Variants in KIF14 observed in about 807,000 individuals in gnomAD.
The protein encoded by KIF14 is kinesin family member 14.
KIF14 carries 98 observed loss-of-function variants against 176.2 expected under a neutral mutation model. The observed-to-expected ratio is 0.56, with a 90% CI of 0.47 to 0.66. The LOEUF is 0.66. KIF14 is among the 30% of genes least tolerant of loss of function. The pLI, the probability that KIF14 is intolerant of heterozygous loss-of-function variation, is 0.00. For missense variants in KIF14, 1,751 were observed against 1,920.4 expected (o/e 0.91, Z 1.65); for synonymous variants, 566 against 632.2 (o/e 0.90, Z 1.57).
At chr1:200,582,547 G>A (rs1286317964) in intron 19 of KIF14, among the ~76,000 whole-genome samples, 1 of 152,146 alleles carries the variant, frequency 6.6e-6, no homozygotes, top group Non-Finnish European at 1.5e-5. Flanking sequence ...TTGCCTCCTG[G>A]CAATAGATAC....
At chr1:200,576,568 A>C (rs1219440686) in intron 21 of KIF14, among the ~76,000 whole-genome samples, 1 of 152,126 alleles carries the variant, frequency 6.6e-6, no homozygotes, top group African/African-American at 2.4e-5. Context: ...AAGAATAATC[A>C]AATGACCTCC....
At chr1:200,613,178 G>A (rs184471008) in intron 4 of KIF14, among the ~76,000 whole-genome samples, 41 of 152,094 alleles carry the variant, frequency 2.7e-4, no homozygotes, top group Middle Eastern at 3.4e-3. Flanking sequence ...ATGAGCCACC[G>A]CACCCAGCCT....
In KIF14 at chr1:200,617,763, A is replaced by C; in HGVS notation, c.961T>G (p.Phe321Val). ...GATCTTTCCTGTTTATTTGCAAGAAAGGAACTTTTTGGTCTTTGTTTAACT... is the reference window on the plus strand; with the variant it reads ...GATCTTTCCTGTTTATTTGCAAGAACGGAACTTTTTGGTCTTTGTTTAACT... The part of the protein sequence containing the change: ...LQVKQRPKSS[F>V]LANKQERSAE... The change falls in exon 2 of 30, where the codon TTT (phenylalanine) becomes GTT (valine). Residue 321 changes from phenylalanine (F) to valine (V), a missense_variant. Transcript: ENST00000367350. 1.9e-6 allele frequency: 3 copies of C among 1,614,182 alleles called. No individual in the cohort carries two copies. Among genetic ancestry groups the C allele is most frequent in the Non-Finnish European group, 2.5e-6 (3 of 1,180,032 alleles).
intron 21 of KIF14, 51 bp downstream of exon 21, chr1:200,580,203 T>TA (rs1440912827): frequency 2.0e-6 from 2 of 1,001,970 alleles, no homozygotes; most frequent in Non-Finnish European, 2.7e-6. Flanking sequence ...CTTGAACTTT[T>TA]ATACTTTTTT....
In KIF14 at chr1:200,553,651, T is replaced by C; in HGVS notation, c.4684A>G (p.Arg1562Gly). 1 of 1,614,098 alleles carries C rather than the reference T, an allele frequency of 6.2e-7. No individual in the cohort carries two copies. Among genetic ancestry groups the C allele is most frequent in the Non-Finnish European group, 8.5e-7 (1 of 1,179,998 alleles). Residue 1562 changes from arginine (R) to glycine (G), a missense_variant, in exon 30 of 30, where the codon AGA (arginine) becomes GGA (glycine). By Grantham distance (125) the Arg-to-Gly change is moderately radical. Coordinates refer to ENST00000367350, the MANE Select transcript of KIF14 (RefSeq NM_014875.3). Reference protein sequence around the residue: ...PSTSVGSYESRVTHIVHQELE... With the variant: ...PSTSVGSYESGVTHIVHQELE... ...TCCTGGTGGACAATGTGAGTTACTCTACTCTCATAGCTGCCAACAGAAGTA... is the reference window on the plus strand; with the variant it reads ...TCCTGGTGGACAATGTGAGTTACTCCACTCTCATAGCTGCCAACAGAAGTA...
intron 23 of KIF14, 64 bp downstream of exon 23, chr1:200,569,847 T>C (rs1440545396): frequency 2.4e-6 from 2 of 833,520 alleles, no homozygotes; most frequent in Non-Finnish European, 3.8e-6. Context: ...TAAGAAAAAA[T>C]GTAATGGTAG....
At position 200,618,101 on chromosome 1, in the gene KIF14, T is replaced by G; in HGVS notation, c.623A>C (p.Glu208Ala). 2 of 1,614,200 alleles carry G rather than the reference T, an allele frequency of 1.2e-6. No individual in the cohort carries two copies. Among genetic ancestry groups the G allele is most frequent in the East Asian group, 2.2e-5 (1 of 44,880 alleles). Residue 208 changes from glutamate (E) to alanine (A), a missense_variant, in exon 2 of 30, where the codon GAA becomes GCA. Physicochemically the swap from Glu to Ala is moderately radical, Grantham distance 107 (BLOSUM62 -1). Coordinates refer to ENST00000367350, the MANE Select transcript of KIF14 (RefSeq NM_014875.3). ...ETFSAPSRANENVALKYSSNR... is the reference protein window; with the variant it reads ...ETFSAPSRANANVALKYSSNR... Reference sequence around the variant, plus strand: ...ACTTGAGTACTTAAGTGCAACATTTTCATTTGCTCTACTGGGGGCAGAAAA... The same window carrying G: ...ACTTGAGTACTTAAGTGCAACATTTGCATTTGCTCTACTGGGGGCAGAAAA...
rs1329009660 is a variant in KIF14 at position 200,552,816 on chromosome 1, T to A, written c.*572A>T. ...GCATAGGCACAAAGGTAACTGATTGTTCAGGTTTCCACTCATGAGAAAATA... is the reference window on the plus strand; with the variant it reads ...GCATAGGCACAAAGGTAACTGATTGATCAGGTTTCCACTCATGAGAAAATA... On this transcript the variant is annotated 3_prime_UTR_variant, in exon 30 of 30. Transcript: ENST00000367350. 1 of 152,158 alleles carries A rather than the reference T, an allele frequency of 6.6e-6. No individual in the cohort carries two copies. Among genetic ancestry groups the A allele is most frequent in the Non-Finnish European group, 1.5e-5 (1 of 68,038 alleles). The allele number at this position is 152,158 out of a possible 1,614,324, so 9.4% of individuals were successfully genotyped here. A position where few individuals can be genotyped will look rare whatever the true frequency, so the allele number is the denominator to read the frequency against.
chr1:200,553,050 C>T lies in KIF14; in HGVS notation c.*338G>A, dbSNP rs139733981. ...CCTCTGCCTCTCAGGTTCAAGCGAT[C>T]CTCCTGCCTCAGCCCCCCTAGTAGC... On this transcript the variant is annotated 3_prime_UTR_variant, in exon 30 of 30. Coordinates refer to ENST00000367350, the MANE Select transcript of KIF14 (RefSeq NM_014875.3). The T allele has an allele frequency of 0.12, 18,240 of 156,128 alleles. 1,255 individuals are homozygous for T. The highest frequency in any genetic ancestry group is 0.13 in the Non-Finnish European group (9,468 of 70,930). 9.7% of individuals were successfully genotyped at this position (156,128 alleles called of 1,614,324 possible). A position where few individuals can be genotyped will look rare whatever the true frequency, so the allele number is the denominator to read the frequency against.
chr1:200,614,909 C>T (rs1660337435), intron 3 of KIF14, among the ~76,000 whole-genome samples: 3 of 151,776 alleles, frequency 2.0e-5, no homozygotes, highest in Non-Finnish European at 2.9e-5. Context: ...GATGCCCCTC[C>T]ACCCTTTTTT....
intron 19 of KIF14, among the ~76,000 whole-genome samples, chr1:200,584,222 A>AAG (rs1658619535): frequency 6.6e-6 from 1 of 150,402 alleles, no homozygotes; most frequent in Admixed American, 6.6e-5. Flanking sequence ...TTTCAAAAAA[A>AAG]AAAAAAAAAG....
intron 19 of KIF14, 58 bp from the exon 20 acceptor site, chr1:200,581,352 A>G: frequency 1.2e-6 from 1 of 856,374 alleles, no homozygotes. Context: ...AACATATACC[A>G]TTAGGCAAAA....
At chr1:200,610,802 G>A (rs1385664381) in intron 4 of KIF14, among the ~76,000 whole-genome samples, 1 of 152,082 alleles carries the variant, frequency 6.6e-6, no homozygotes, top group African/African-American at 2.4e-5. Flanking sequence ...ATCAGAAAAG[G>A]GAAAATTTAG....
chr1:200,588,243 GTTTTGT>G (rs1658858301), intron 18 of KIF14, among the ~76,000 whole-genome samples: 1 of 109,306 alleles, frequency 9.1e-6, no homozygotes, highest in African/African-American at 5.1e-5. Flanking sequence ...TTGTTTGTTT[GTTTTGT>G]TTTTTTTTTT....
intron 14 of KIF14, among the ~76,000 whole-genome samples, chr1:200,594,082 C>G (rs534302084): frequency 6.6e-6 from 1 of 151,914 alleles, no homozygotes; most frequent in Non-Finnish European, 1.5e-5. Flanking sequence ...AGGCACCCAC[C>G]ACCATGCCCT....
intron 20 of KIF14, 83 bp downstream of exon 20, chr1:200,581,103 GACTCTGTCTCAGAAA>G: frequency 1.9e-6 from 1 of 526,494 alleles, no homozygotes; most frequent in Non-Finnish European, 3.0e-6. Flanking sequence ...AACAGAGCAA[GACTCTGTCTCAGAAA>G]AAAAAAAAAA....
At position 200,617,631 on chromosome 1, in the gene KIF14, C is replaced by G. The variant is rs144699906; in HGVS notation, c.1093G>C (p.Val365Leu). The G allele has an allele frequency of 1.9e-5, 30 of 1,610,848 alleles. No homozygotes were observed. In the Admixed American group the frequency reaches 3.5e-4, roughly 19 times the overall value. ...ENSQVTVAVR[V>L]RPFTKREKIE... ...ACATACCTCTTGGTGAAAGGTCTTA[C>G]GCGTACTGCCACTGTCACTTGACTA... The change falls in exon 2 of 30, where the codon GTA (valine) becomes CTA (leucine). Residue 365 changes from valine to leucine, a missense_variant. Val to Leu is a conservative substitution (Grantham distance 32). Transcript: ENST00000367350.
intron 5 of KIF14, 55 bp from the exon 6 acceptor site, chr1:200,606,853 T>A: frequency 2.3e-6 from 3 of 1,316,038 alleles, no homozygotes; most frequent in Non-Finnish European, 3.3e-6. Flanking sequence ...TTCATGTAAC[T>A]TGAAATGATC....
chr1:200,604,845 T>C (rs1183527151), intron 8 of KIF14, among the ~76,000 whole-genome samples: 1 of 152,066 alleles, frequency 6.6e-6, no homozygotes, highest in Non-Finnish European at 1.5e-5. Flanking sequence ...AAAAATCTTT[T>C]ACTTTCTGAT....
Sources: allele counts gnomAD v4.1 joint callset (sites outside exome capture counted in the v4.1 genomes callset), GRCh38; gene constraint gnomAD v4.1.1; transcripts MANE v1.5; gene names NCBI Gene and HGNC (gene_info 2026-07-23, HGNC 2026-07-21).